DISP3: variants seen among roughly 807,000 people sequenced by gnomAD.
DISP3 encodes protein dispatched homolog 3.
Under a neutral mutation model 135.3 loss-of-function variants are expected in DISP3, and 101 were observed. The ratio of observed to expected loss-of-function variants is 0.75; its 90% CI spans 0.64 to 0.88. DISP3 has a LOEUF of 0.88. Ranked by LOEUF, DISP3 falls within the 40% of genes least tolerant of loss-of-function variation. The pLI is 0.00. For synonymous variants in DISP3, 856 were observed against 817.0 expected (o/e 1.05, Z -0.81); for missense variants, 1,713 against 1,878.6 (o/e 0.91, Z 1.63).
chr1:11,501,101 C>A lies in DISP3; in HGVS notation c.109C>A (p.Gln37Lys). 6.2e-7 allele frequency: 1 copy of A among 1,614,036 alleles called. No individual in the cohort carries two copies. The highest frequency in any genetic ancestry group is 8.5e-7 in the Non-Finnish European group (1 of 1,179,960). ...TFLGAQKPGP[Q>K]PGAGGQCCWR... is the part of the protein sequence containing the mutation. ...TTTAGGGGCCCAGAAGCCAGGGCCC[C>A]AACCTGGGGCAGGGGGACAGTGTTG... Residue 37 changes from glutamine to lysine, a missense_variant, in exon 2 of 21, where the codon CAA becomes AAA. Around this residue, in one of 2 missense-constraint regions of DISP3, gnomAD observed 571 missense variants for 494.1 expected, o/e 1.16. Coordinates refer to ENST00000294484, the MANE Select transcript of DISP3 (RefSeq NM_020780.2). The surrounding 1 kb of genome is among the most constrained non-coding windows in gnomAD (Gnocchi z 4.9).
Position 11,519,274 on chromosome 1 carries a change from T to C in DISP3, c.1890-81T>C. ...AGCAGCACTGTGATACCTGGGTTCA[T>C]CTGATCCTCAGGGCCCTGCCCCACC... On this transcript the variant is annotated intron_variant, in intron 7 of 20. Coordinates refer to ENST00000294484, the MANE Select transcript of DISP3 (RefSeq NM_020780.2). The surrounding 1 kb of genome is among the most constrained non-coding windows in gnomAD (Gnocchi z 4.3). The C allele has an allele frequency of 6.7e-7, 1 of 1,481,722 alleles. No individual in the cohort carries two copies. The highest frequency in any genetic ancestry group is 2.3e-5 in the East Asian group (1 of 43,976). 91.8% of individuals were successfully genotyped at this position (1,481,722 alleles called of 1,614,324 possible). A position where few individuals can be genotyped will look rare whatever the true frequency, so the allele number is the denominator to read the frequency against.
At position 11,494,780 on chromosome 1, in the gene DISP3, C is replaced by T. The variant is rs149976966; in HGVS notation, c.-3-6210C>T. The stretch of plus-strand genomic sequence containing the variant: ...TGCCGTTAAATTGTATATACATATA[C>T]GTAGTTTAAGTCAAATCTCCATGTC... On this transcript the variant is annotated intron_variant, in intron 1 of 20. Transcript: ENST00000294484. Among the ~76,000 whole-genome samples the T allele has an allele frequency of 3.3e-4, 50 of 152,280 alleles. No individual in the cohort carries two copies. In the East Asian group the frequency reaches 9.3e-3, roughly 28 times the overall value.
chr1:11,495,995 T>G (rs1427718629), intron 1 of DISP3, among the ~76,000 whole-genome samples: 1 of 152,240 alleles, frequency 6.6e-6, no homozygotes, highest in African/African-American at 2.4e-5. Flanking sequence ...AGGATATACC[T>G]GATCATTGCA....
intron 3 of DISP3, among the ~76,000 whole-genome samples, chr1:11,508,579 G>C (rs2817645): frequency 0.85 from 129,145 of 151,688 alleles, 55,064 homozygotes; most frequent in Admixed American, 0.88. Context: ...TTTTATTGAT[G>C]TCAAAGAACT....
Position 11,530,958 on chromosome 1 carries a change from C to T in DISP3, c.3154C>T (p.Leu1052=). 6.2e-7 allele frequency: 1 copy of T among 1,614,040 alleles called. No individual in the cohort carries two copies. The highest frequency in any genetic ancestry group is 8.5e-7 in the Non-Finnish European group (1 of 1,180,000). Residue 1052 remains leucine (L), a synonymous_variant, in exon 16 of 21, where the codon CTG becomes TTG. Transcript: ENST00000294484. ...TGACCTCTTCAAGGAAATTGGGCAC[C>T]TGTGTCACCTCTGCAAGGCCATCGC... ...SFDLFKEIGH[L]CHLCKAIAAN...
rs1450547608 is a variant in DISP3, at chr1:11,526,638, A to G, written c.2614-13A>G. The stretch of plus-strand genomic sequence containing the variant: ...CGAGTCATGTGTCTTGTCTCTGTCA[A>G]CCCACTGCTTAGGTGTATAGAGCGC... On this transcript the variant is annotated splice_polypyrimidine_tract_variant and intron_variant, in intron 12 of 20. Transcript: ENST00000294484. 2 of 1,605,200 alleles carry G rather than the reference A, an allele frequency of 1.2e-6. No individual in the cohort carries two copies. Among genetic ancestry groups the G allele is most frequent in the Non-Finnish European group, 8.5e-7 (1 of 1,172,462 alleles).
chr1:11,535,137 G>A lies in DISP3; in HGVS notation c.3649+13G>A. On this transcript the variant is annotated intron_variant, in intron 19 of 20. Coordinates refer to ENST00000294484, the MANE Select transcript of DISP3 (RefSeq NM_020780.2). ...CTCAGCATCTTGGGTACGTGGGCGA[G>A]GGGCTGGCAGGCACCCTGCTGGTAG... is the stretch of plus-strand genomic sequence containing the variant. 1.3e-6 allele frequency: 2 copies of A among 1,584,550 alleles called. No individual in the cohort carries two copies. Among genetic ancestry groups the A allele is most frequent in the Non-Finnish European group, 1.7e-6 (2 of 1,165,920 alleles).
At chr1:11,524,630 TC>T (rs1423688349) in intron 11 of DISP3, among the ~76,000 whole-genome samples, 1 of 27,448 alleles carries the variant, frequency 3.6e-5, no homozygotes, top group Non-Finnish European at 6.9e-5. Flanking sequence ...GCCCACGACC[TC>T]CCCCACCATC....
At chr1:11,515,592 C>G (rs1315992320) in intron 5 of DISP3, 89 bp downstream of exon 5, 1 of 1,508,746 alleles carries the variant, frequency 6.6e-7, no homozygotes, top group Admixed American at 2.2e-5. Flanking sequence ...GCCTGGCTTC[C>G]CTGGGGGCTC....
At chr1:11,494,339 G>A (rs1641270175) in intron 1 of DISP3, among the ~76,000 whole-genome samples, 1 of 152,162 alleles carries the variant, frequency 6.6e-6, no homozygotes, top group Non-Finnish European at 1.5e-5. Flanking sequence ...TGAACTAGCT[G>A]GGCTGAACTA....
chr1:11,508,690 C>T (rs1641772833), intron 3 of DISP3, among the ~76,000 whole-genome samples: 1 of 151,964 alleles, frequency 6.6e-6, no homozygotes, highest in Non-Finnish European at 1.5e-5. Context: ...TTATGGGGTA[C>T]ATGAGATGTT....
chr1:11,528,544 A>G (rs1174543211), intron 13 of DISP3, among the ~76,000 whole-genome samples: 6 of 152,262 alleles, frequency 3.9e-5, no homozygotes, highest in Admixed American at 3.9e-4. Flanking sequence ...GAGACAGGCC[A>G]CTAACAAGTA....
chr1:11,530,818 G>A (rs1642556215), intron 15 of DISP3, 89 bp from the exon 16 acceptor site: 2 of 1,537,302 alleles, frequency 1.3e-6, no homozygotes, highest in Admixed American at 1.8e-5. Context: ...AGCTGCTGGA[G>A]GTTCTGCCCC....
chr1:11,519,205 A>G lies in DISP3; in HGVS notation c.1890-150A>G. On this transcript the variant is annotated intron_variant, in intron 7 of 20. Transcript: ENST00000294484. This position sits in a 1 kb window ranked among gnomAD's most constrained non-coding sequence, Gnocchi z 4.3. ...GATGGTACTAGAAAGAAACCAGGTG[A>G]CCAGCTCCCAGAAGTCTGGGGTGCT... is the stretch of plus-strand genomic sequence containing the variant. The G allele has an allele frequency of 1.0e-6, 1 of 959,578 alleles. No homozygotes were observed. Among genetic ancestry groups the G allele is most frequent in the South Asian group, 1.7e-5 (1 of 59,596 alleles). 59.4% of individuals were successfully genotyped at this position (959,578 alleles called of 1,614,324 possible).
rs377281428 is a variant in DISP3, at chr1:11,530,887, C to G, written c.3103-20C>G. 1.9e-6 allele frequency: 3 copies of G among 1,613,186 alleles called. No homozygotes were observed. Among genetic ancestry groups the G allele is most frequent in the Non-Finnish European group, 2.5e-6 (3 of 1,179,570 alleles). Reference sequence around the variant, plus strand: ...CGTCTCACTGAGCGGCCCGGGCCGGCTTGTTTCTCCTTGGGAAAGGGTAGT... The same window carrying G: ...CGTCTCACTGAGCGGCCCGGGCCGGGTTGTTTCTCCTTGGGAAAGGGTAGT... On this transcript the variant is annotated intron_variant, in intron 15 of 20. Coordinates refer to ENST00000294484, the MANE Select transcript of DISP3 (RefSeq NM_020780.2).
rs757143616 is a variant in DISP3 at position 11,520,756 on chromosome 1, C to T, written c.2270C>T (p.Pro757Leu). ...CGGCTCCGCCCCGCCAGCCGGGCCC[C>T]GCTACTCTTCCGGCCTGATACCAAC... ...ASRLRPASRA[P>L]LLFRPDTNIQ... The change falls in exon 10 of 21, where the codon CCG (proline) becomes CTG (leucine). Residue 757 changes from proline (P) to leucine (L), a missense_variant. By Grantham distance (98) the Pro-to-Leu change is moderately conservative. This residue lies in a region of DISP3 where 1,142 missense variants were observed against 1,384.6 expected (regional missense o/e 0.82). Transcript: ENST00000294484. The surrounding 1 kb of genome is among the most constrained non-coding windows in gnomAD (Gnocchi z 4.8). 1.9e-5 allele frequency: 30 copies of T among 1,613,486 alleles called. No homozygotes were observed. The highest frequency in any genetic ancestry group is 1.5e-4 in the African/African-American group (11 of 74,946).
chr1:11,508,320 A>C (rs1641760651), intron 3 of DISP3, among the ~76,000 whole-genome samples: 1 of 151,928 alleles, frequency 6.6e-6, no homozygotes, highest in Admixed American at 6.6e-5. Context: ...TTGGAGGCTG[A>C]GGTTGGAGGA....
intron 1 of DISP3, among the ~76,000 whole-genome samples, chr1:11,480,749 G>C (rs1357212444): frequency 6.7e-6 from 1 of 148,510 alleles, no homozygotes; most frequent in Non-Finnish European, 1.5e-5. Context: ...TGGGGATTTA[G>C]AGCAAACACC....
chr1:11,481,713 T>A (rs1217342593), intron 1 of DISP3: 1 of 152,220 alleles, frequency 6.6e-6, no homozygotes, highest in South Asian at 2.1e-4. Context: ...TTTCTGGCCC[T>A]AATAATCTGG....
Sources: gnomAD v4.1 joint callset for allele counts (sites outside exome capture counted in the v4.1 genomes callset) on GRCh38, gnomAD v4.1.1 for gene constraint, gnomAD v4.1.1 regional missense constraint, Gnocchi (gnomAD v3.1) non-coding constraint, MANE v1.5 for transcripts, NCBI Gene and HGNC (gene_info 2026-07-23, HGNC 2026-07-21) for gene names.